FRMPD1: variants seen among roughly 807,000 people sequenced by gnomAD.
FRMPD1 encodes the protein FERM and PDZ domain containing 1.
Under a neutral mutation model 117.8 loss-of-function variants are expected in FRMPD1, and 76 were observed. The observed-to-expected ratio is 0.65, with a 90% CI of 0.54 to 0.78. The LOEUF is 0.78. Ranked by LOEUF, FRMPD1 falls within the 30% of genes least tolerant of loss-of-function variation. The pLI is 0.00. For missense variants in FRMPD1, 1,786 were observed against 1,964.5 expected (o/e 0.91, Z 1.72); for synonymous variants, 783 against 770.4 (o/e 1.02, Z -0.27).
Position 37,719,124 on chromosome 9 carries a change from A to G in FRMPD1, c.464A>G (p.Asn155Ser). Residue 155 changes from asparagine (N) to serine (S), a missense_variant, in exon 6 of 16, where the codon AAC becomes AGC. Asn to Ser is a conservative substitution (Grantham distance 46). Transcript: ENST00000377765. ...GAGAAGAGAGCCAGACTGAAGACCA[A>G]CCCCGTGAAGGTGCACTTTGCTGAA... is the stretch of plus-strand genomic sequence containing the variant. ...TEEKRARLKT[N>S]PVKVHFAEEV... 1 of 1,613,852 alleles carries G rather than the reference A, an allele frequency of 6.2e-7. No homozygotes were observed. The highest frequency in any genetic ancestry group is 1.1e-5 in the South Asian group (1 of 91,068).
At chr9:37,711,488 G>A in intron 5 of FRMPD1, 93 bp downstream of exon 5, 1 of 966,818 alleles carries the variant, frequency 1.0e-6, no homozygotes, top group Non-Finnish European at 1.7e-6. Context: ...AAGTAAGCGG[G>A]GAAGGCAAAG....
At chr9:37,648,427 C>A (rs1204815606), upstream of FRMPD1, among the ~76,000 whole-genome samples, 2 of 151,986 alleles carry the variant, frequency 1.3e-5, no homozygotes, top group Non-Finnish European at 2.9e-5. Context: ...CTTTGCTGCA[C>A]GATCAAGAAG....
rs1288954518 is a variant in FRMPD1 at position 37,693,047 on chromosome 9, T to C, written c.101+305T>C. 1.4e-5 allele frequency: 6 copies of C among 414,810 alleles called. No individual in the cohort carries two copies. In the East Asian group the frequency reaches 2.2e-4, roughly 15 times the overall value. 25.7% of individuals were successfully genotyped at this position (414,810 alleles called of 1,614,324 possible). A position where few individuals can be genotyped will look rare whatever the true frequency, so the allele number is the denominator to read the frequency against. On this transcript the variant is annotated intron_variant, in intron 2 of 15. Transcript: ENST00000377765. ...ACACTCATACATACTCATACGCACATGCATATACACTCTCTGGAGCACACA... is the reference window on the plus strand; with the variant it reads ...ACACTCATACATACTCATACGCACACGCATATACACTCTCTGGAGCACACA...
At chr9:37,705,747 A>T (rs1432414799) in intron 2 of FRMPD1, among the ~76,000 whole-genome samples, 1 of 152,004 alleles carries the variant, frequency 6.6e-6, no homozygotes, top group East Asian at 1.9e-4. Flanking sequence ...GGTGGCTGAG[A>T]GGCAGATCAC....
chr9:37,744,086 G>A (rs972002301), intron 15 of FRMPD1, among the ~76,000 whole-genome samples: 1 of 151,940 alleles, frequency 6.6e-6, no homozygotes, highest in African/African-American at 2.4e-5. Flanking sequence ...CTACTCCGGG[G>A]GGATGAGGCA....
intron 2 of FRMPD1, among the ~76,000 whole-genome samples, chr9:37,704,245 G>A (rs529974233): frequency 7.2e-5 from 11 of 152,216 alleles, no homozygotes; most frequent in South Asian, 6.2e-4. Context: ...ATTGATACGC[G>A]CTGTAAGTGT....
intron 15 of FRMPD1, among the ~76,000 whole-genome samples, chr9:37,743,313 C>T (rs756854925): frequency 1.7e-4 from 26 of 152,082 alleles, no homozygotes; most frequent in African/African-American, 2.7e-4. Flanking sequence ...TTAACCTGCA[C>T]GGCAGCACTG....
intron 5 of FRMPD1, among the ~76,000 whole-genome samples, chr9:37,717,382 T>TA (rs1491339188): frequency 0.16 from 13,467 of 86,248 alleles, 872 homozygotes; most frequent in African/African-American, 0.22. Context: ...TATATATATA[T>TA]TTTTTTTTTT....
At chr9:37,686,033 G>A (rs1821929089) in intron 1 of FRMPD1, among the ~76,000 whole-genome samples, 1 of 152,204 alleles carries the variant, frequency 6.6e-6, no homozygotes, top group South Asian at 2.1e-4. Flanking sequence ...TATTTTGAGA[G>A]AGTTTGCCTT....
chr9:37,746,548 C>G lies in FRMPD1; in HGVS notation c.4516C>G (p.Gln1506Glu). The change falls in exon 16 of 16, where the codon CAG (glutamine) becomes GAG (glutamate). Residue 1506 changes from glutamine (Q) to glutamate (E), a missense_variant. Coordinates refer to ENST00000377765, the MANE Select transcript of FRMPD1 (RefSeq NM_014907.3). ...GGTCCAGCTGGCCGGCCTGTGCTTT[C>G]AGTTCACAGACTGTAGCCGCTGCTC... ...HLVQLAGLCF[Q>E]FTDCSRCSAR... The G allele has an allele frequency of 6.2e-7, 1 of 1,613,780 alleles. No individual in the cohort carries two copies.
chr9:37,736,636 A>G (rs1824140484), intron 13 of FRMPD1, among the ~76,000 whole-genome samples: 1 of 151,798 alleles, frequency 6.6e-6, no homozygotes, highest in African/African-American at 2.4e-5. Context: ...AACATACTCA[A>G]TATTGGTGCT....
At chr9:37,666,337 A>G (rs976494907) in intron 1 of FRMPD1, among the ~76,000 whole-genome samples, 1 of 152,170 alleles carries the variant, frequency 6.6e-6, no homozygotes, top group South Asian at 2.1e-4. Context: ...AGTGAAATGT[A>G]AATGTCCTTA....
At chr9:37,651,977 C>G (rs1820688741) in intron 1 of FRMPD1, among the ~76,000 whole-genome samples, 1 of 152,214 alleles carries the variant, frequency 6.6e-6, no homozygotes, top group Non-Finnish European at 1.5e-5. Flanking sequence ...TTGCAGTTTG[C>G]TTTGGAAGTC....
At chr9:37,646,430 G>T (rs1824141679), upstream of FRMPD1, among the ~76,000 whole-genome samples, 1 of 152,186 alleles carries the variant, frequency 6.6e-6, no homozygotes, top group African/African-American at 2.4e-5. Context: ...ATTCTGCTGA[G>T]ACTTGAAGAG....
At chr9:37,626,801 G>A in the FRMPD1 span, among the ~76,000 whole-genome samples, 101,269 of 150,828 alleles carry the variant, frequency 0.67, 35,514 homozygotes, top group East Asian at 0.8. Context: ...GAGAGAGAGA[G>A]AGAAAAGTAA....
intron 3 of FRMPD1, 80 bp downstream of exon 3, chr9:37,707,653 C>G: frequency 8.4e-7 from 1 of 1,190,570 alleles, no homozygotes; most frequent in Non-Finnish European, 1.2e-6. Flanking sequence ...TCTCTCTATC[C>G]TATAACAAAA....
intron 7 of FRMPD1, among the ~76,000 whole-genome samples, chr9:37,728,836 A>T (rs1047540135): frequency 1.3e-5 from 2 of 151,642 alleles, no homozygotes; most frequent in Admixed American, 6.6e-5. Flanking sequence ...GGTGGCGCAC[A>T]CCTGTAATCC....
chr9:37,670,002 AAAAAG>A (rs1307740245), intron 1 of FRMPD1: 1 of 152,146 alleles, frequency 6.6e-6, no homozygotes, highest in Non-Finnish European at 1.5e-5. Context: ...TCAAAAAAAA[AAAAAG>A]AAAAGAAAAA....
At chr9:37,679,311 C>A (rs1378030197) in intron 1 of FRMPD1, among the ~76,000 whole-genome samples, 2 of 152,216 alleles carry the variant, frequency 1.3e-5, no homozygotes, top group Non-Finnish European at 2.9e-5. Context: ...ATGTTTCTAA[C>A]CCCATCACTT....
Sources: gnomAD v4.1 joint callset for allele counts (sites outside exome capture counted in the v4.1 genomes callset) on GRCh38, gnomAD v4.1.1 for gene constraint, MANE v1.5 for transcripts, NCBI Gene and HGNC (gene_info 2026-07-23, HGNC 2026-07-21) for gene names.